The following TNK1 variants were observed in gnomAD, a reference collection of about 807,000 sequenced individuals.
The protein encoded by TNK1 is tyrosine kinase non receptor 1.
In TNK1, 53 loss-of-function variants were observed where a neutral mutation model predicts 65.2. The observed-to-expected ratio is 0.81, with a 90% CI of 0.65 to 1.02. The LOEUF (loss-of-function observed/expected upper bound fraction) is 1.02, where lower values mean the gene tolerates loss of function less well. Ranked by LOEUF, TNK1 falls within the 50% of genes least tolerant of loss-of-function variation. TNK1 has a pLI of 0.00. For synonymous variants in TNK1, 353 were observed against 364.6 expected, an observed-to-expected ratio of 0.97 and a Z score of 0.36; for missense variants, 837 against 878.4, an observed-to-expected ratio of 0.95 and a Z score of 0.60.
intron 6 of TNK1, 84 bp downstream of exon 6, chr17:7,384,337 C>T (rs953160603): frequency 1.4e-6 from 2 of 1,432,540 alleles, no homozygotes; most frequent in Non-Finnish European, 1.8e-6. Context: ...GGGGGCCGGG[C>T]TTCTGAGGGA....
At position 7,384,184 on chromosome 17, in the gene TNK1, T is replaced by C; in HGVS notation, c.797T>C (p.Leu266Pro). 6.5e-7 allele frequency: 1 copy of C among 1,532,908 alleles called. No individual in the cohort carries two copies. The highest frequency in any genetic ancestry group is 1.2e-5 in the South Asian group (1 of 83,810). 95.0% of individuals were successfully genotyped at this position (1,532,908 alleles called of 1,614,324 possible). A position where few individuals can be genotyped will look rare whatever the true frequency, so the allele number is the denominator to read the frequency against. Residue 266 changes from leucine to proline, a missense_variant, in exon 6 of 13, where the codon CTG becomes CCG. By Grantham distance (98) the Leu-to-Pro change is moderately conservative. Transcript: ENST00000688331. ...PRTIKVADFGLVRPLGGARGR... is the reference protein window; with the variant it reads ...PRTIKVADFGPVRPLGGARGR... ...ACCATCAAGGTGGCTGACTTCGGGC[T>C]GGTGCGGCCTCTGGGCGGTGCCCGG...
At chr17:7,383,173 C>T in intron 2 of TNK1, 77 bp from the exon 3 acceptor site, 1 of 1,611,884 alleles carries the variant, frequency 6.2e-7, no homozygotes, top group South Asian at 1.1e-5. Flanking sequence ...TCTTCCAGCC[C>T]TTTTCTTCCC....
At position 7,388,629 on chromosome 17, in the gene TNK1, G is replaced by T; in HGVS notation, c.1701G>T (p.Met567Ile). ...CCCCACACAATCACCCCATGGGAAT[G>T]CCTGGAGCCCGTAAAGCCGCTGCCC... ...RKPPHNHPMG[M>I]PGARKAAALS... is the part of the protein sequence containing the mutation. Residue 567 changes from methionine to isoleucine, a missense_variant, in exon 11 of 13, where the codon ATG becomes ATT. By Grantham distance (10) the Met-to-Ile change is conservative. Transcript: ENST00000688331. The surrounding 1 kb of genome is among the most constrained non-coding windows in gnomAD (Gnocchi z 4.5). The T allele has an allele frequency of 1.2e-6, 2 of 1,614,006 alleles. No individual in the cohort carries two copies. The highest frequency in any genetic ancestry group is 1.7e-6 in the Non-Finnish European group (2 of 1,179,892).
In TNK1 at chr17:7,383,466, G is replaced by A. The variant is rs776320132; in HGVS notation, c.276G>A (p.Leu92=). ...CCCCTGAGCACAAGGAGCCCACCCT[G>A]CCCTCGGACAGCCCACGGCACCTCC... ...GFAPEHKEPT[L]PSDSPRHLPE... Residue 92 remains leucine (L), a synonymous_variant, in exon 4 of 13, where the codon CTG becomes CTA. Transcript: ENST00000688331. 72 of 1,613,766 alleles carry A rather than the reference G, an allele frequency of 4.5e-5. No individual in the cohort carries two copies. Among genetic ancestry groups the A allele is most frequent in the Non-Finnish European group, 5.3e-5 (63 of 1,179,884 alleles).
chr17:7,380,051 G>C (rs1436063163), upstream of TNK1, among the ~76,000 whole-genome samples: 1 of 152,070 alleles, frequency 6.6e-6, no homozygotes, highest in Non-Finnish European at 1.5e-5. Flanking sequence ...TAAGGCTCTG[G>C]GTCTCTGGGT....
Position 7,384,049 on chromosome 17 carries a change from T to C in TNK1, c.662T>C (p.Leu221Pro). ...PAPTPPLLVA[L>P]LCLFLRQLAG... is the part of the protein sequence containing the mutation. Reference sequence around the variant, plus strand: ...CCGACACCCCCGCTGCTCGTGGCCCTGCTCTGCCTCTTCCTGCGGCAGCTG... The same window carrying C: ...CCGACACCCCCGCTGCTCGTGGCCCCGCTCTGCCTCTTCCTGCGGCAGCTG... Residue 221 changes from leucine (L) to proline (P), a missense_variant, in exon 6 of 13, where the codon CTG becomes CCG. Coordinates refer to ENST00000688331, the MANE Select transcript of TNK1 (RefSeq NM_003985.6). The C allele has an allele frequency of 6.5e-7, 1 of 1,531,412 alleles. No individual in the cohort carries two copies. The highest frequency in any genetic ancestry group is 8.7e-7 in the Non-Finnish European group (1 of 1,144,958). The allele number at this position is 1,531,412 out of a possible 1,614,324, so 94.9% of individuals were successfully genotyped here.
In TNK1 at chr17:7,382,138, C is replaced by T. The variant is rs775356454; in HGVS notation, c.-91-698C>T. On this transcript the variant is annotated intron_variant, in intron 1 of 12. Coordinates refer to ENST00000688331, the MANE Select transcript of TNK1 (RefSeq NM_003985.6). This position sits in a 1 kb window ranked among gnomAD's most constrained non-coding sequence, Gnocchi z 4.1. ...AAAAATAGCCGGGCATGGTGGCACGCGCCTGTAGTCCCAGCTACTTGGGAG... is the reference window on the plus strand; with the variant it reads ...AAAAATAGCCGGGCATGGTGGCACGTGCCTGTAGTCCCAGCTACTTGGGAG... Among the ~76,000 whole-genome samples the T allele has an allele frequency of 1.3e-5, 2 of 152,058 alleles. No homozygotes were observed. Among genetic ancestry groups the T allele is most frequent in the Non-Finnish European group, 2.9e-5 (2 of 68,020 alleles).
rs776618804 is a variant in TNK1, at chr17:7,383,855, T to C, written c.573T>C (p.Pro191=). The stretch of plus-strand genomic sequence containing the variant: ...TGCACGGCCTTGTACTGGGCCAGCC[T>C]CTGCAGATGGTGAGCAGATCCAGCC... ...LRLHGLVLGQ[P]LQMVMELAPL... Residue 191 remains proline (P), a synonymous_variant, in exon 5 of 13, where the codon CCT becomes CCC. Transcript: ENST00000688331. 1.2e-5 allele frequency: 20 copies of C among 1,609,682 alleles called. 1 individual carries two copies. The highest frequency in any genetic ancestry group is 1.6e-5 in the Non-Finnish European group (19 of 1,178,132).
In TNK1 at chr17:7,388,404, A is replaced by G; in HGVS notation, c.1478-2A>G. The G allele has an allele frequency of 2.5e-6, 4 of 1,600,714 alleles. No individual in the cohort carries two copies. The highest frequency in any genetic ancestry group is 1.7e-4 in the Middle Eastern group (1 of 5,984). On this transcript the variant is annotated splice_acceptor_variant, in intron 10 of 12. Coordinates refer to ENST00000688331, the MANE Select transcript of TNK1 (RefSeq NM_003985.6). LOFTEE classifies it high-confidence loss of function. The surrounding 1 kb of genome is among the most constrained non-coding windows in gnomAD (Gnocchi z 4.5). ...CAAGTTGTTTCCTTCTCAACTGTGCAGGCATTTCCAGGAGTCTGGAGTCAG... is the reference window on the plus strand; with the variant it reads ...CAAGTTGTTTCCTTCTCAACTGTGCGGGCATTTCCAGGAGTCTGGAGTCAG...
chr17:7,383,780 G>A lies in TNK1; in HGVS notation c.498G>A (p.Leu166=). 1 of 1,613,090 alleles carries A rather than the reference G, an allele frequency of 6.2e-7. No homozygotes were observed. Among genetic ancestry groups the A allele is most frequent in the East Asian group, 2.2e-5 (1 of 44,850 alleles). Residue 166 remains leucine (L), a synonymous_variant, in exon 5 of 13, where the codon CTG becomes CTA. Coordinates refer to ENST00000688331, the MANE Select transcript of TNK1 (RefSeq NM_003985.6). ...TGGGCACAGAACTGGGGGACTTCCT[G>A]CGAGAGGTATCGGTCATGATGAACT... ...GPMGTELGDF[L]REVSVMMNLE... is the part of the protein sequence containing the mutation.
At chr17:7,384,428 G>C in intron 6 of TNK1, 56 bp from the exon 7 acceptor site, 1 of 1,465,044 alleles carries the variant, frequency 6.8e-7, no homozygotes, top group South Asian at 1.4e-5. Context: ...CTCCGTGGAG[G>C]GTGGGCCTCC....
At chr17:7,387,879 C>T (rs1252647638) in intron 10 of TNK1, among the ~76,000 whole-genome samples, 1 of 152,194 alleles carries the variant, frequency 6.6e-6, no homozygotes, top group Non-Finnish European at 1.5e-5. Context: ...GCTGGGATTA[C>T]AGGCGTGAGA....
At position 7,387,003 on chromosome 17, in the gene TNK1, A is replaced by G; in HGVS notation, c.1246A>G (p.Ile416Val). The G allele has an allele frequency of 1.3e-6, 2 of 1,575,238 alleles. No homozygotes were observed. The highest frequency in any genetic ancestry group is 2.3e-5 in the South Asian group (2 of 85,992). ...CTCTTTCCACAGCCCCGACTCCACA[A>G]TCTGGAAGGGCCAGAATGGTCGCAC... is the stretch of plus-strand genomic sequence containing the variant. ...TVIEGSPDST[I>V]WKGQNGRTFK... The change falls in exon 9 of 13, where the codon ATC (isoleucine) becomes GTC (valine). Residue 416 changes from isoleucine to valine, a missense_variant. Transcript: ENST00000688331.
chr17:7,389,217 C>A lies in TNK1; in HGVS notation c.*133C>A. 4 of 695,842 alleles carry A rather than the reference C, an allele frequency of 5.7e-6. No homozygotes were observed. The highest frequency in any genetic ancestry group is 5.6e-5 in the South Asian group (3 of 53,892). 43.1% of individuals were successfully genotyped at this position (695,842 alleles called of 1,614,324 possible). A position where few individuals can be genotyped will look rare whatever the true frequency, so the allele number is the denominator to read the frequency against. ...TTCCACCTGGGGAGATCCCACCTGC[C>A]GTAGGCACATGGAGGAGGAGCCCAG... On this transcript the variant is annotated 3_prime_UTR_variant, in exon 13 of 13. Coordinates refer to ENST00000688331, the MANE Select transcript of TNK1 (RefSeq NM_003985.6).
At position 7,383,548 on chromosome 17, in the gene TNK1, G is replaced by C; in HGVS notation, c.358G>C (p.Glu120Gln). The change falls in exon 4 of 13, where the codon GAG becomes CAG. Residue 120 changes from glutamate (E) to glutamine (Q), a missense_variant. Coordinates refer to ENST00000688331, the MANE Select transcript of TNK1 (RefSeq NM_003985.6). ...LIPEGAVCRG[E>Q]LLGSGCFGVV... ...CCCAGAGGGTGCTGTTTGCAGAGGG[G>C]AGCTGCTGGGTTCAGGCTGCTTCGG... The C allele has an allele frequency of 1.9e-6, 3 of 1,613,582 alleles. No homozygotes were observed. Among genetic ancestry groups the C allele is most frequent in the Non-Finnish European group, 2.5e-6 (3 of 1,179,766 alleles).
At position 7,388,618 on chromosome 17, in the gene TNK1, C is replaced by T. The variant is rs1905355761; in HGVS notation, c.1690C>T (p.Pro564Ser). ...CAAAAGAAAACCCCCACACAATCAC[C>T]CCATGGGAATGCCTGGAGCCCGTAA... ...WPKRKPPHNH[P>S]MGMPGARKAA... Residue 564 changes from proline (P) to serine (S), a missense_variant, in exon 11 of 13, where the codon CCC becomes TCC. Coordinates refer to ENST00000688331, the MANE Select transcript of TNK1 (RefSeq NM_003985.6). This position sits in a 1 kb window ranked among gnomAD's most constrained non-coding sequence, Gnocchi z 4.5. The T allele has an allele frequency of 2.5e-6, 4 of 1,614,006 alleles. No homozygotes were observed. The highest frequency in any genetic ancestry group is 2.5e-6 in the Non-Finnish European group (3 of 1,179,888).
In TNK1 at chr17:7,383,431, G is replaced by A. The variant is rs553496441; in HGVS notation, c.241G>A (p.Gly81Arg). The change falls in exon 4 of 13, where the codon GGA becomes AGA. Residue 81 changes from glycine to arginine, a missense_variant. Transcript: ENST00000688331. The part of the protein sequence containing the change: ...KSKNWVYKIL[G>R]GFAPEHKEPT... ...TTTCCCATCCCTGTTTCAGATCCTTGGAGGTTTTGCCCCTGAGCACAAGGA... is the reference window on the plus strand; with the variant it reads ...TTTCCCATCCCTGTTTCAGATCCTTAGAGGTTTTGCCCCTGAGCACAAGGA... The A allele has an allele frequency of 3.7e-6, 6 of 1,613,988 alleles. No individual in the cohort carries two copies. The South Asian group carries it at 5.5e-5, about 15-fold the overall frequency.
In TNK1 at chr17:7,388,747, AGGCAGG is replaced by A. The variant is rs1280015420; in HGVS notation, c.1777-31_1777-26del. On this transcript the variant is annotated intron_variant, in intron 11 of 12. Transcript: ENST00000688331. The surrounding 1 kb of genome is among the most constrained non-coding windows in gnomAD (Gnocchi z 4.5). ...TGGCCTGGTGTCCAGAAGGGGCTAC[AGGCAGG>A]GGCAGGGGCCTGAGTGAGGCTTTGT... 1.9e-6 allele frequency: 3 copies of A among 1,605,042 alleles called. No homozygotes were observed. The highest frequency in any genetic ancestry group is 2.6e-6 in the Non-Finnish European group (3 of 1,175,166).
intron 7 of TNK1, among the ~76,000 whole-genome samples, chr17:7,386,230 G>A (rs1439751722): frequency 2.0e-5 from 3 of 152,152 alleles, no homozygotes; most frequent in African/African-American, 7.2e-5. Flanking sequence ...GAGGCGGTGG[G>A]GCTGCAGAGG....
Sources: allele counts gnomAD v4.1 joint callset (sites outside exome capture counted in the v4.1 genomes callset), GRCh38; gene constraint gnomAD v4.1.1; non-coding constraint Gnocchi (gnomAD v3.1); transcripts MANE v1.5; gene names NCBI Gene and HGNC (gene_info 2026-07-23, HGNC 2026-07-21).